Variants in CLNK observed in about 807,000 individuals in gnomAD.
CLNK encodes cytokine dependent hematopoietic cell linker, also known as cytokine-dependent hematopoietic cell linker.
In CLNK, 74 loss-of-function variants were observed where a neutral mutation model predicts 68.6. The ratio of observed to expected loss-of-function variants is 1.08; its 90% confidence interval spans 0.89 to 1.31. The LOEUF (loss-of-function observed/expected upper bound fraction) is 1.31. CLNK is among the 50% of genes most tolerant of loss of function. The probability of loss-of-function intolerance (pLI) is 0.00; values close to 1 mark genes in which losing one functional copy is unlikely to be tolerated. For missense variants in CLNK, 553 were observed against 515.3 expected (o/e 1.07, Z -0.71); for synonymous variants, 198 against 172.2 (o/e 1.15, Z -1.17).
intron 15 of CLNK, among the ~76,000 whole-genome samples, chr4:10,514,046 C>T (rs1374320100): frequency 8.1e-6 from 1 of 123,966 alleles, no homozygotes; most frequent in Non-Finnish European, 1.6e-5. Context: ...GTGTGATATT[C>T]CCCTTCCTGT....
chr4:10,544,937 A>G (rs543552869), intron 8 of CLNK, among the ~76,000 whole-genome samples: 2 of 152,220 alleles, frequency 1.3e-5, no homozygotes, highest in Admixed American at 6.5e-5. Context: ...TCCTTCCATC[A>G]GAACTCAATA....
Position 10,614,146 on chromosome 4 carries a change from T to G in CLNK, c.12-16097A>C, listed in dbSNP as rs1278100483. 3.9e-5 allele frequency among the ~76,000 whole-genome samples: 6 copies of G among 152,196 alleles called. No individual in the cohort carries two copies. The East Asian group carries it at 1.2e-3, about 29-fold the overall frequency. On this transcript the variant is annotated intron_variant, in intron 2 of 18. Transcript: ENST00000226951. Reference sequence around the variant, plus strand: ...CTTCTGGCTCAAACTCCAGTAAATGTAGTGATTAAATTCTCCTCCCCTGGC... The same window carrying G: ...CTTCTGGCTCAAACTCCAGTAAATGGAGTGATTAAATTCTCCTCCCCTGGC...
the CLNK span, among the ~76,000 whole-genome samples, chr4:10,711,122 C>T: frequency 1.3e-5 from 2 of 152,236 alleles, no homozygotes; most frequent in Admixed American, 6.5e-5. Flanking sequence ...AGATGCAGAA[C>T]GTGTAAGCAG....
At chr4:10,640,020 G>C (rs1723247551) in intron 2 of CLNK, among the ~76,000 whole-genome samples, 1 of 152,164 alleles carries the variant, frequency 6.6e-6, no homozygotes, top group Admixed American at 6.5e-5. Flanking sequence ...TTTGATGGTG[G>C]ATCATTGTTC....
chr4:10,528,798 G>T (rs1306709207), intron 12 of CLNK, among the ~76,000 whole-genome samples: 3 of 152,158 alleles, frequency 2.0e-5, no homozygotes, highest in Non-Finnish European at 4.4e-5. Context: ...TAAGGCTACG[G>T]TTAATTTTTT....
intron 4 of CLNK, 101 bp from the exon 5 acceptor site, chr4:10,571,879 TTTAA>T: frequency 1.2e-6 from 1 of 851,372 alleles, no homozygotes; most frequent in Non-Finnish European, 1.9e-6. Flanking sequence ...TTTTGTCAGT[TTTAA>T]TTAACTTACC....
intron 2 of CLNK, among the ~76,000 whole-genome samples, chr4:10,600,387 C>G (rs543080205): frequency 4.6e-5 from 7 of 152,276 alleles, no homozygotes; most frequent in African/African-American, 1.2e-4. Context: ...TGGGTTTATT[C>G]CATACTAGGC....
intron 3 of CLNK, among the ~76,000 whole-genome samples, chr4:10,585,912 G>A (rs1267193067): frequency 6.6e-6 from 1 of 152,176 alleles, no homozygotes; most frequent in East Asian, 1.9e-4. Flanking sequence ...TGGCATCAGG[G>A]ACCAGTTTCC....
Position 10,626,105 on chromosome 4 carries a change from C to T in CLNK, c.12-28056G>A, listed in dbSNP as rs1212483463. On this transcript the variant is annotated intron_variant, in intron 2 of 18. Coordinates refer to ENST00000226951, the MANE Select transcript of CLNK (RefSeq NM_052964.4). ...GTGCTGGCTTCAAACCCAGGTCTCC[C>T]TGGCTGGGGCTCATGCCTTGTCCAC... Among the ~76,000 whole-genome samples, 24 of 152,206 alleles carry T rather than the reference C, an allele frequency of 1.6e-4. 1 individual carries two copies. The highest frequency in any genetic ancestry group is 1.5e-5 in the Non-Finnish European group (1 of 68,028).
At chr4:10,716,216 T>G in the CLNK span, among the ~76,000 whole-genome samples, 1 of 152,246 alleles carries the variant, frequency 6.6e-6, no homozygotes, top group Non-Finnish European at 1.5e-5. Context: ...TTTTTCTTTT[T>G]CCTTGTTTTT....
chr4:10,576,577 G>A (rs1204699769), intron 4 of CLNK, among the ~76,000 whole-genome samples: 1 of 152,242 alleles, frequency 6.6e-6, no homozygotes, highest in Admixed American at 6.5e-5. Flanking sequence ...CCCTGTGGCT[G>A]TCCCTTGAAC....
the CLNK span, among the ~76,000 whole-genome samples, chr4:10,725,171 G>A: frequency 4.6e-5 from 7 of 152,280 alleles, no homozygotes; most frequent in African/African-American, 1.7e-4. Flanking sequence ...TTAACCAGGG[G>A]TTGCTCACTG....
At chr4:10,581,521 G>A (rs1233179698) in intron 4 of CLNK, among the ~76,000 whole-genome samples, 3 of 152,172 alleles carry the variant, frequency 2.0e-5, no homozygotes, top group African/African-American at 7.2e-5. Context: ...ACACTTAACA[G>A]GGGGTTGAAG....
At chr4:10,658,966 G>C (rs1008396982) in intron 2 of CLNK, among the ~76,000 whole-genome samples, 1 of 152,152 alleles carries the variant, frequency 6.6e-6, no homozygotes, top group African/African-American at 2.4e-5. Flanking sequence ...CAATTTGGGA[G>C]GTGAGGCGGG....
chr4:10,571,915 T>G (rs906162878), intron 4 of CLNK, 137 bp from the exon 5 acceptor site: 1 of 660,570 alleles, frequency 1.5e-6, no homozygotes, highest in African/African-American at 1.9e-5. Flanking sequence ...TTTTCAAAAC[T>G]AAAGTGCATT....
intron 15 of CLNK, among the ~76,000 whole-genome samples, chr4:10,516,185 A>G (rs1465920821): frequency 6.6e-6 from 1 of 152,166 alleles, no homozygotes; most frequent in African/African-American, 2.4e-5. Flanking sequence ...AAAACATAAA[A>G]TCTTTAGGAT....
rs7658580 is a variant in CLNK, at chr4:10,487,772, A to G, written c.*2695T>C. On this transcript the variant is annotated 3_prime_UTR_variant, in exon 19 of 19. Coordinates refer to ENST00000226951, the MANE Select transcript of CLNK (RefSeq NM_052964.4). Reference sequence around the variant, plus strand: ...TTGGGCCTCACTATGAGCTGGCCAAAACTCTCCCAGAGCTGTGTCTGAATC... The same window carrying G: ...TTGGGCCTCACTATGAGCTGGCCAAGACTCTCCCAGAGCTGTGTCTGAATC... 107,593 of 151,820 alleles carry G rather than the reference A, an allele frequency of 0.71. 38,848 individuals carry two copies. The highest frequency in any genetic ancestry group is 0.79 in the Non-Finnish European group (53,785 of 67,996). 9.4% of individuals were successfully genotyped at this position (151,820 alleles called of 1,614,324 possible).
At chr4:10,540,401 G>A (rs189728777) in intron 11 of CLNK, 93 bp downstream of exon 11, 1 of 885,102 alleles carries the variant, frequency 1.1e-6, no homozygotes, top group African/African-American at 1.6e-5. Flanking sequence ...TAGGGAGCCT[G>A]CTCTGAAAGG....
At chr4:10,653,929 AACTG>A (rs1723853959) in intron 2 of CLNK, among the ~76,000 whole-genome samples, 2 of 152,330 alleles carry the variant, frequency 1.3e-5, no homozygotes, top group African/African-American at 4.8e-5. Flanking sequence ...GGAATAGTAA[AACTG>A]ACTATCTTTC....
Sources: allele counts gnomAD v4.1 joint callset (sites outside exome capture counted in the v4.1 genomes callset), GRCh38; gene constraint gnomAD v4.1.1; transcripts MANE v1.5; gene names NCBI Gene and HGNC (gene_info 2026-07-23, HGNC 2026-07-21).